Variants in DCAF1 observed in about 807,000 individuals in gnomAD.
DCAF1 encodes DDB1 and CUL4 associated factor 1.
A neutral mutation model predicts 128.0 loss-of-function variants in DCAF1; 15 were observed. The observed-to-expected ratio is 0.12, with a 90% CI of 0.08 to 0.18. The LOEUF (loss-of-function observed/expected upper bound fraction) is 0.18. DCAF1 is among the 10% of genes least tolerant of loss of function. DCAF1 has a pLI of 1.00. For synonymous variants in DCAF1, 610 were observed against 603.0 expected (o/e 1.01, Z -0.17); for missense variants, 988 against 1,649.5 (o/e 0.60, Z 6.95).
At chr3:51,402,183 T>G (rs188391837) in intron 24 of DCAF1, among the ~76,000 whole-genome samples, 63 of 152,194 alleles carry the variant, frequency 4.1e-4, no homozygotes, top group Middle Eastern at 3.4e-3. Flanking sequence ...TAAAAGGAAG[T>G]GAATAAACCA....
At chr3:51,503,169 A>C (rs1708859513), upstream of DCAF1, among the ~76,000 whole-genome samples, 1 of 152,062 alleles carries the variant, frequency 6.6e-6, no homozygotes, top group Non-Finnish European at 1.5e-5. Context: ...TGGTGTGCCC[A>C]AGAAAGAGGA....
chr3:51,415,997 C>T (rs1553630276), intron 18 of DCAF1, among the ~76,000 whole-genome samples: 1 of 152,100 alleles, frequency 6.6e-6, no homozygotes, highest in East Asian at 1.9e-4. Context: ...ATAGCCTCTA[C>T]CATGCCTACC....
At chr3:51,415,370 C>A (rs999209359) in intron 18 of DCAF1, among the ~76,000 whole-genome samples, 4 of 152,088 alleles carry the variant, frequency 2.6e-5, no homozygotes, top group Non-Finnish European at 5.9e-5. Context: ...TGGTGCTCGC[C>A]TGTAGTCCCA....
chr3:51,431,640 C>A (rs1357145902), intron 10 of DCAF1, among the ~76,000 whole-genome samples: 1 of 151,656 alleles, frequency 6.6e-6, no homozygotes, highest in Non-Finnish European at 1.5e-5. Context: ...ATCTCCATAA[C>A]AAACTATTTG....
chr3:51,415,496 A>AAAAT (rs1170345930), intron 18 of DCAF1, among the ~76,000 whole-genome samples: 22 of 152,170 alleles, frequency 1.4e-4, no homozygotes, highest in Admixed American at 4.6e-4. Flanking sequence ...CCCTGTCTCA[A>AAAAT]AAATAAATAA....
At chr3:51,491,040 G>GA (rs56102341) in intron 2 of DCAF1, among the ~76,000 whole-genome samples, 4,979 of 128,216 alleles carry the variant, frequency 0.039, 312 homozygotes, top group African/African-American at 0.13. Context: ...AACAATCTTG[G>GA]AAAAAAAAAA....
chr3:51,411,397 A>T (rs1268931378), intron 23 of DCAF1, among the ~76,000 whole-genome samples: 3 of 152,004 alleles, frequency 2.0e-5, no homozygotes, highest in Non-Finnish European at 4.4e-5. Flanking sequence ...ACTCTTGGAA[A>T]GAGAATGTGC....
intron 9 of DCAF1, among the ~76,000 whole-genome samples, chr3:51,437,701 G>A (rs545639037): frequency 6.6e-6 from 1 of 152,128 alleles, no homozygotes; most frequent in South Asian, 2.1e-4. Context: ...TGCAGTCCAA[G>A]CTACTTAGGA....
At chr3:51,407,172 AAAAAAAAC>A (rs1320583771) in intron 23 of DCAF1, among the ~76,000 whole-genome samples, 57 of 151,080 alleles carry the variant, frequency 3.8e-4, no homozygotes, top group African/African-American at 1.2e-3. Context: ...AAAAAAAAAA[AAAAAAAAC>A]AACAACAAAA....
At chr3:51,473,235 T>G (rs1704975305) in intron 3 of DCAF1, among the ~76,000 whole-genome samples, 1 of 149,452 alleles carries the variant, frequency 6.7e-6, no homozygotes, top group South Asian at 2.1e-4. Flanking sequence ...GCACTCCAGC[T>G]TGGGAAACAA....
At chr3:51,397,199 T>G (rs1175820964), downstream of DCAF1, 1 of 166,986 alleles carries the variant, frequency 6.0e-6, no homozygotes, top group Admixed American at 6.5e-5. Flanking sequence ...TTGGGCAAAA[T>G]CAAAGGAAGA....
At chr3:51,471,799 G>A (rs1338956318) in intron 3 of DCAF1, among the ~76,000 whole-genome samples, 1 of 152,018 alleles carries the variant, frequency 6.6e-6, no homozygotes, top group Non-Finnish European at 1.5e-5. Context: ...CCTGGGAGGT[G>A]GAGGTTGCGG....
intron 4 of DCAF1, among the ~76,000 whole-genome samples, chr3:51,470,331 C>A (rs781918946): frequency 6.6e-6 from 1 of 152,080 alleles, no homozygotes; most frequent in African/African-American, 2.4e-5. Flanking sequence ...GAGGCCCAGG[C>A]GGGAGGATAG....
chr3:51,399,301 C>T (rs1487939199), intron 24 of DCAF1, among the ~76,000 whole-genome samples: 4 of 152,218 alleles, frequency 2.6e-5, no homozygotes. Flanking sequence ...TTCTGAAACA[C>T]CTTAGTCACT....
rs369054324 is a variant in DCAF1, at chr3:51,438,299, G to T, written c.1128+2671C>A. Among the ~76,000 whole-genome samples, 9 of 152,178 alleles carry T rather than the reference G, an allele frequency of 5.9e-5. No homozygotes were observed. In the East Asian group the frequency reaches 1.4e-3, roughly 23 times the overall value. ...GATTGCTTACGATATACCAGTCCCT[G>T]TTCTAAGCAGTAGAAATACAAAGAA... On this transcript the variant is annotated intron_variant, in intron 9 of 24. Transcript: ENST00000684031.
chr3:51,486,621 C>T (rs1317531996), intron 2 of DCAF1, among the ~76,000 whole-genome samples: 1 of 151,956 alleles, frequency 6.6e-6, no homozygotes, highest in African/African-American at 2.4e-5. Context: ...ACTAACTATA[C>T]ATACGTTGTT....
intron 7 of DCAF1, among the ~76,000 whole-genome samples, chr3:51,442,212 T>C (rs1295688897): frequency 1.3e-5 from 2 of 152,176 alleles, no homozygotes; most frequent in Non-Finnish European, 2.9e-5. Context: ...AAATTAGATA[T>C]ATTCATGATT....
intron 6 of DCAF1, among the ~76,000 whole-genome samples, chr3:51,461,727 C>T (rs1238636961): frequency 1.3e-5 from 2 of 152,108 alleles, no homozygotes; most frequent in Non-Finnish European, 2.9e-5. Flanking sequence ...GAATACTATG[C>T]AGCCATAAAA....
intron 4 of DCAF1, among the ~76,000 whole-genome samples, chr3:51,468,577 G>A (rs1553647321): frequency 6.6e-6 from 1 of 152,142 alleles, no homozygotes. Context: ...ATGAAGACAA[G>A]ATGTGAGCTG....
Sources: allele counts gnomAD v4.1 joint callset (sites outside exome capture counted in the v4.1 genomes callset), GRCh38; gene constraint gnomAD v4.1.1; transcripts MANE v1.5; gene names NCBI Gene and HGNC (gene_info 2026-07-23, HGNC 2026-07-21).